Variants in WDR7 observed in about 807,000 individuals in gnomAD.
WDR7 encodes the protein WD repeat domain 7.
Under a neutral mutation model 169.4 loss-of-function variants are expected in WDR7, and 46 were observed. That is an observed-to-expected ratio of 0.27 (90% CI 0.21 to 0.35). The LOEUF is 0.35. WDR7 is among the 10% of genes least tolerant of loss of function. WDR7 has a pLI of 1.00. For missense variants in WDR7, 1,534 were observed against 1,859.3 expected, an observed-to-expected ratio of 0.83 and a Z score of 3.22; for synonymous variants, 612 against 666.8, an observed-to-expected ratio of 0.92 and a Z score of 1.27.
intron 14 of WDR7, 31 bp downstream of exon 14, chr18:56,731,628 G>T (rs777991281): frequency 3.8e-6 from 6 of 1,561,166 alleles, no homozygotes; most frequent in Non-Finnish European, 5.2e-6. Context: ...CATGAAGTGT[G>T]TAGACCCCAT....
rs531516895 is a variant in WDR7, at chr18:56,657,267, C to A, written c.-20+5691C>A. Among the ~76,000 whole-genome samples, 5 of 152,042 alleles carry A rather than the reference C, an allele frequency of 3.3e-5. No homozygotes were observed. In the South Asian group the frequency reaches 1.0e-3, roughly 32 times the overall value. Reference sequence around the variant, plus strand: ...CCAACTCCCAAGTTCAAGCGTTTCTCCTGCCTCAGCCTCCCTAGTAGCTGG... The same window carrying A: ...CCAACTCCCAAGTTCAAGCGTTTCTACTGCCTCAGCCTCCCTAGTAGCTGG... On this transcript the variant is annotated intron_variant, in intron 1 of 27. Coordinates refer to ENST00000254442, the MANE Select transcript of WDR7 (RefSeq NM_015285.3).
chr18:56,802,798 A>G (rs189691003), intron 19 of WDR7, among the ~76,000 whole-genome samples: 27 of 152,246 alleles, frequency 1.8e-4, no homozygotes, highest in African/African-American at 6.5e-4. Context: ...TTGCAGAGCA[A>G]AAGTTTTTAA....
chr18:56,969,907 G>C (rs1259530540), intron 26 of WDR7, among the ~76,000 whole-genome samples: 3 of 152,128 alleles, frequency 2.0e-5, no homozygotes, highest in Non-Finnish European at 4.4e-5. Flanking sequence ...GTGTGGTTGC[G>C]TAGTTAATAG....
chr18:56,867,046 G>T (rs1224045285), intron 20 of WDR7, among the ~76,000 whole-genome samples: 1 of 149,546 alleles, frequency 6.7e-6, no homozygotes, highest in Admixed American at 6.6e-5. Flanking sequence ...TATTTTTGAG[G>T]CAGGGTCTCA....
rs913143527 is a variant in WDR7, at chr18:57,027,496, G to A, written c.*289G>A. The A allele has an allele frequency of 2.4e-5, 11 of 456,900 alleles. No homozygotes were observed. The highest frequency in any genetic ancestry group is 4.2e-5 in the East Asian group (1 of 23,836). 28.3% of individuals were successfully genotyped at this position (456,900 alleles called of 1,614,324 possible). A position where few individuals can be genotyped will look rare whatever the true frequency, so the allele number is the denominator to read the frequency against. ...GGGAAAGCCAGTGGTTCCTGGGAACGCTCTTGTTGCTTGGTGCAACAGAAG... is the reference window on the plus strand; with the variant it reads ...GGGAAAGCCAGTGGTTCCTGGGAACACTCTTGTTGCTTGGTGCAACAGAAG... On this transcript the variant is annotated 3_prime_UTR_variant, in exon 28 of 28. Coordinates refer to ENST00000254442, the MANE Select transcript of WDR7 (RefSeq NM_015285.3).
intron 27 of WDR7, among the ~76,000 whole-genome samples, chr18:57,025,279 G>T (rs1217606100): frequency 6.6e-6 from 1 of 152,202 alleles, no homozygotes; most frequent in Non-Finnish European, 1.5e-5. Context: ...TGAGAAATTA[G>T]ATTTTTTCTA....
chr18:56,693,800 G>A (rs2025634413), intron 9 of WDR7, among the ~76,000 whole-genome samples: 1 of 151,792 alleles, frequency 6.6e-6, no homozygotes, highest in Non-Finnish European at 1.5e-5. Context: ...TTGAACTTTT[G>A]GCCTCAAGTG....
intron 20 of WDR7, among the ~76,000 whole-genome samples, chr18:56,844,406 C>T (rs1216245262): frequency 1.3e-5 from 2 of 152,100 alleles, no homozygotes; most frequent in Admixed American, 1.3e-4. Flanking sequence ...TTCTCAACTT[C>T]ATTTATATGA....
chr18:56,687,524 C>T (rs1444099833), intron 7 of WDR7, among the ~76,000 whole-genome samples: 1 of 152,220 alleles, frequency 6.6e-6, no homozygotes, highest in Non-Finnish European at 1.5e-5. Context: ...TTACAACTCT[C>T]TGAGGTTAGG....
chr18:56,861,985 T>C (rs1427621494), intron 20 of WDR7, among the ~76,000 whole-genome samples: 1 of 152,046 alleles, frequency 6.6e-6, no homozygotes, highest in Non-Finnish European at 1.5e-5. Flanking sequence ...TTTATATAAA[T>C]TGATGTTTAA....
At chr18:56,883,840 T>C (rs1258374894) in intron 21 of WDR7, among the ~76,000 whole-genome samples, 1 of 152,206 alleles carries the variant, frequency 6.6e-6, no homozygotes, top group Non-Finnish European at 1.5e-5. Flanking sequence ...ATGCCAATAT[T>C]TCATTCCTTT....
rs943377451 is a variant in WDR7, at chr18:56,695,166, A to T, written c.1325A>T (p.Gln442Leu). The change falls in exon 11 of 28, where the codon CAG (glutamine) becomes CTG (leucine). Residue 442 changes from glutamine (Q) to leucine (L), a missense_variant. Transcript: ENST00000254442. ...CCTGCCACACAGACGGCCATAGTAC[A>T]GCTGTTGCAAGGGGAACACATGCTC... ...IVPATQTAIVQLLQGEHMLRR... is the reference protein window; with the variant it reads ...IVPATQTAIVLLLQGEHMLRR... The T allele has an allele frequency of 6.2e-7, 1 of 1,614,206 alleles. No homozygotes were observed. The highest frequency in any genetic ancestry group is 8.5e-7 in the Non-Finnish European group (1 of 1,180,022).
rs149220983 is a variant in WDR7, at chr18:56,817,649, C to A, written c.3304+1505C>A. Among the ~76,000 whole-genome samples, 440 of 151,816 alleles carry A rather than the reference C, an allele frequency of 2.9e-3. 2 individuals are homozygous for A. The highest frequency in any genetic ancestry group is 0.01 in the African/African-American group (424 of 41,390). On this transcript the variant is annotated intron_variant, in intron 20 of 27. Coordinates refer to ENST00000254442, the MANE Select transcript of WDR7 (RefSeq NM_015285.3). ...AAATATTATCCAACCTAAATATGAA[C>A]GATTTCAGGAACTTCTAATTTTTCT...
intron 16 of WDR7, among the ~76,000 whole-genome samples, chr18:56,765,431 T>C (rs2044047943): frequency 6.6e-6 from 1 of 152,048 alleles, no homozygotes; most frequent in African/African-American, 2.4e-5. Context: ...TTAGAGTCTG[T>C]AGTCTATGTC....
chr18:56,967,938 C>T (rs2145791426), intron 26 of WDR7, among the ~76,000 whole-genome samples: 1 of 152,240 alleles, frequency 6.6e-6, no homozygotes, highest in African/African-American at 2.4e-5. Flanking sequence ...AAAGTCTATA[C>T]ACATTAAATG....
At chr18:56,768,948 T>C (rs1311628108) in intron 16 of WDR7, among the ~76,000 whole-genome samples, 1 of 152,210 alleles carries the variant, frequency 6.6e-6, no homozygotes, top group African/African-American at 2.4e-5. Flanking sequence ...TAATTTTCCA[T>C]AACCAATATT....
chr18:56,962,032 G>A (rs371358838), intron 25 of WDR7, among the ~76,000 whole-genome samples: 3 of 152,008 alleles, frequency 2.0e-5, no homozygotes, highest in Non-Finnish European at 4.4e-5. Flanking sequence ...CATGGAATAC[G>A]TAAGTCTTCT....
intron 16 of WDR7, among the ~76,000 whole-genome samples, chr18:56,775,996 A>G (rs1207120408): frequency 6.6e-6 from 1 of 152,136 alleles, no homozygotes; most frequent in Non-Finnish European, 1.5e-5. Context: ...AAATCTTAAC[A>G]TTGACCTCCA....
intron 21 of WDR7, among the ~76,000 whole-genome samples, chr18:56,922,794 T>C (rs1464426688): frequency 6.6e-6 from 1 of 152,190 alleles, no homozygotes; most frequent in Non-Finnish European, 1.5e-5. Flanking sequence ...CTTCTCTTCC[T>C]TTCCATTTCA....
Sources: allele counts gnomAD v4.1 joint callset (sites outside exome capture counted in the v4.1 genomes callset), GRCh38; gene constraint gnomAD v4.1.1; transcripts MANE v1.5; gene names NCBI Gene and HGNC (gene_info 2026-07-23, HGNC 2026-07-21).